REPS2: variants seen among roughly 807,000 people sequenced by gnomAD.
The protein encoded by REPS2 is RALBP1 associated Eps domain containing 2.
In REPS2, 23 loss-of-function variants were observed where a neutral mutation model predicts 53.6. The observed-to-expected ratio is 0.43, with a 90% CI of 0.31 to 0.61. The LOEUF is 0.61. Among genes scored for constraint, REPS2 ranks in the 20% least tolerant of loss-of-function variants. The pLI is 0.11. For synonymous variants in REPS2, 238 were observed against 218.6 expected (o/e 1.09, Z -0.78); for missense variants, 446 against 534.9 (o/e 0.83, Z 1.64).
In REPS2 at chrX:17,068,291, G is replaced by A. The variant is rs1203070185; in HGVS notation, c.1210-111G>A. The A allele has an allele frequency of 2.0e-5, 9 of 447,246 alleles. No homozygotes were observed. The Admixed American group carries it at 3.1e-4, about 15-fold the overall frequency. The allele number at this position is 447,246 out of a possible 1,213,427, so 36.9% of individuals were successfully genotyped here. A position where few individuals can be genotyped will look rare whatever the true frequency, so the allele number is the denominator to read the frequency against. The stretch of plus-strand genomic sequence containing the variant: ...ATCGCGCCACTGCACTCCAGCCTGG[G>A]CGACAGTGCGAGACTCTGTCTCAAA... On this transcript the variant is annotated intron_variant, in intron 9 of 17. Coordinates refer to ENST00000357277, the MANE Select transcript of REPS2 (RefSeq NM_004726.3).
chrX:16,952,055 A>G (rs751498742), intron 1 of REPS2, among the ~76,000 whole-genome samples: 2 of 112,156 alleles, frequency 1.8e-5, no homozygotes, highest in South Asian at 3.7e-4. Flanking sequence ...AATTATACAC[A>G]TATGCTCCAG....
the REPS2 span, among the ~76,000 whole-genome samples, chrX:17,186,602 T>G: frequency 8.9e-6 from 1 of 112,176 alleles, no homozygotes; most frequent in African/African-American, 3.2e-5. Context: ...TAGCATTTAT[T>G]GTATTCTTAT....
the REPS2 span, among the ~76,000 whole-genome samples, chrX:17,182,229 C>T: frequency 2.7e-5 from 3 of 110,101 alleles, no homozygotes; most frequent in Non-Finnish European, 3.8e-5. Context: ...CATTGGAGTC[C>T]TGAGCTGCCC....
chrX:17,048,274 A>G (rs2061934643), intron 6 of REPS2, among the ~76,000 whole-genome samples: 1 of 112,600 alleles, frequency 8.9e-6, no homozygotes, highest in Admixed American at 9.4e-5. Context: ...TACTTGTATA[A>G]GTAATTGCAA....
chrX:17,112,913 C>T (rs1275100219), intron 14 of REPS2, among the ~76,000 whole-genome samples: 13 of 106,367 alleles, frequency 1.2e-4, no homozygotes. Flanking sequence ...ACGGGAAACT[C>T]CGTCTCTACT....
chrX:17,104,276 TAGC>T (rs1470506209), intron 14 of REPS2, among the ~76,000 whole-genome samples: 1 of 111,941 alleles, frequency 8.9e-6, no homozygotes, highest in African/African-American at 3.3e-5. Context: ...AAAGCTGAGA[TAGC>T]AGGAGGGGGA....
chrX:17,113,442 T>C (rs1190258344), intron 14 of REPS2, among the ~76,000 whole-genome samples: 3 of 110,286 alleles, frequency 2.7e-5, no homozygotes, highest in African/African-American at 9.9e-5. Flanking sequence ...TTTTGTGTAA[T>C]GTATTTTTCC....
rs1226604436 is a variant in REPS2, at chrX:16,946,732, TGGTGGTGGCGGCGGC to T, written c.-112_-98del. 193 of 613,143 alleles carry T rather than the reference TGGTGGTGGCGGCGGC, an allele frequency of 3.1e-4. No individual in the cohort carries two copies. Among genetic ancestry groups the T allele is most frequent in the East Asian group, 5.6e-4 (3 of 5,310 alleles). 50.5% of individuals were successfully genotyped at this position (613,143 alleles called of 1,213,427 possible). A position where few individuals can be genotyped will look rare whatever the true frequency, so the allele number is the denominator to read the frequency against. On this transcript the variant is annotated 5_prime_UTR_variant, in exon 1 of 18. Transcript: ENST00000357277. The stretch of plus-strand genomic sequence containing the variant: ...GCGCGGCAGCTGCGGGGCGTGGGGG[TGGTGGTGGCGGCGGC>T]GGTGGTGGCGGCGGCGGCGGCGGCG...
At chrX:17,033,346 TG>T (rs1195855024) in intron 5 of REPS2, among the ~76,000 whole-genome samples, 1 of 111,703 alleles carries the variant, frequency 9.0e-6, no homozygotes, top group Admixed American at 9.5e-5. Context: ...TGGAGACTGC[TG>T]GGCCTACTTC....
chrX:16,949,453 G>A (rs899405799), intron 1 of REPS2, among the ~76,000 whole-genome samples: 1 of 112,319 alleles, frequency 8.9e-6, no homozygotes, highest in Non-Finnish European at 1.9e-5. Flanking sequence ...TGTTGCCCAG[G>A]CTGGAGTGCG....
intron 2 of REPS2, among the ~76,000 whole-genome samples, chrX:17,009,225 C>T (rs2061399826): frequency 8.9e-6 from 1 of 111,782 alleles, no homozygotes; most frequent in Non-Finnish European, 1.9e-5. Flanking sequence ...GTGGCACGAT[C>T]ACAGCTCACT....
intron 14 of REPS2, among the ~76,000 whole-genome samples, chrX:17,113,020 A>T (rs1292828444): frequency 1.1e-5 from 1 of 89,225 alleles, no homozygotes; most frequent in East Asian, 4.0e-4. Flanking sequence ...TGAACCCAGG[A>T]GGCGGAGCTT....
chrX:17,137,316 C>T (rs1342681307), intron 16 of REPS2: 4 of 111,592 alleles, frequency 3.6e-5, no homozygotes, highest in Non-Finnish European at 7.5e-5. Context: ...TTATTATAGC[C>T]ATCCTAGTGA....
rs759134402 is a variant in REPS2 at position 17,017,288 on chromosome X, G to C, written c.398-4835G>C. Among the ~76,000 whole-genome samples, 255 of 112,234 alleles carry C rather than the reference G, an allele frequency of 2.3e-3. 1 individual carries two copies. The highest frequency in any genetic ancestry group is 6.8e-3 in the Admixed American group (72 of 10,553). On this transcript the variant is annotated intron_variant, in intron 2 of 17. Coordinates refer to ENST00000357277, the MANE Select transcript of REPS2 (RefSeq NM_004726.3). ...CTCCTGGCTCAATATATTCTTAAAA[G>C]TGGATTGCTCCATAGCAATGAAAAA...
chrX:17,107,272 T>G (rs1225853043), intron 14 of REPS2, among the ~76,000 whole-genome samples: 1 of 112,410 alleles, frequency 8.9e-6, no homozygotes, highest in Non-Finnish European at 1.9e-5. Flanking sequence ...CTCATATCTC[T>G]GGATTCATGT....
At chrX:17,126,541 C>G (rs937077329) in intron 14 of REPS2, among the ~76,000 whole-genome samples, 1 of 112,107 alleles carries the variant, frequency 8.9e-6, no homozygotes, top group African/African-American at 3.2e-5. Context: ...TGATGGGCTA[C>G]GCAAAGGCAA....
At position 16,962,562 on chromosome X, in the gene REPS2, G is replaced by A. The variant is rs2060678722; in HGVS notation, c.273+15428G>A. On this transcript the variant is annotated intron_variant, in intron 1 of 17. Transcript: ENST00000357277. Reference sequence around the variant, plus strand: ...AGGTCAAAGTGTACAAACTTGCAGTGATGTAGGCTCAATAAGTCTAGAGAT... The same window carrying A: ...AGGTCAAAGTGTACAAACTTGCAGTAATGTAGGCTCAATAAGTCTAGAGAT... 1.8e-5 allele frequency among the ~76,000 whole-genome samples: 2 copies of A among 111,502 alleles called. 1 individual carries two copies. Among genetic ancestry groups the A allele is most frequent in the South Asian group, 7.5e-4 (2 of 2,662 alleles).
intron 2 of REPS2, among the ~76,000 whole-genome samples, chrX:17,014,772 A>G (rs1044479386): frequency 8.9e-6 from 1 of 112,560 alleles, no homozygotes; most frequent in African/African-American, 3.2e-5. Flanking sequence ...GTATTGCTGC[A>G]TGACTAAGGC....
chrX:17,010,451 TG>T (rs2061414781), intron 2 of REPS2, among the ~76,000 whole-genome samples: 1 of 112,071 alleles, frequency 8.9e-6, no homozygotes, highest in South Asian at 3.7e-4. Context: ...AGGTGATCCT[TG>T]GGTGGGCCTG....
Sources: allele counts gnomAD v4.1 joint callset (sites outside exome capture counted in the v4.1 genomes callset), GRCh38; gene constraint gnomAD v4.1.1; transcripts MANE v1.5; gene names NCBI Gene and HGNC (gene_info 2026-07-23, HGNC 2026-07-21).